The following RTN1 variants were observed in gnomAD, a reference collection of about 807,000 sequenced individuals.
RTN1 encodes the protein reticulon 1, also known as reticulon-1.
A neutral mutation model predicts 65.5 loss-of-function variants in RTN1; 25 were observed. That is an observed-to-expected ratio of 0.38 (90% CI 0.28 to 0.53). The LOEUF (loss-of-function observed/expected upper bound fraction) is 0.53, where lower values mean the gene tolerates loss of function less well. RTN1 is among the 20% of genes least tolerant of loss of function. RTN1 has a pLI of 0.79. For missense variants in RTN1, 983 were observed against 1,025.4 expected (o/e 0.96, Z 0.57); for synonymous variants, 471 against 447.6 (o/e 1.05, Z -0.66).
chr14:59,775,564 A>G (rs184836870), intron 1 of RTN1, among the ~76,000 whole-genome samples: 67 of 152,272 alleles, frequency 4.4e-4, no homozygotes, highest in African/African-American at 1.5e-3. Context: ...CAGCTCACTC[A>G]ATCCTTACAA....
rs993666330 is a variant in RTN1, at chr14:59,852,463, T to A, written c.241+17927A>T. Among the ~76,000 whole-genome samples the A allele has an allele frequency of 5.3e-5, 8 of 152,170 alleles. No individual in the cohort carries two copies. The East Asian group carries it at 1.5e-3, about 29-fold the overall frequency. Reference sequence around the variant, plus strand: ...CATCTCCTAGTCCCACCCCCAAGCATTTCCTAATAATAATGGTAAAAGACT... The same window carrying A: ...CATCTCCTAGTCCCACCCCCAAGCAATTCCTAATAATAATGGTAAAAGACT... On this transcript the variant is annotated intron_variant, in intron 1 of 8. Coordinates refer to ENST00000267484, the MANE Select transcript of RTN1 (RefSeq NM_021136.3).
rs998449577 is a variant in RTN1 at position 59,870,618 on chromosome 14, C to G, written c.13G>C (p.Gly5Arg). Residue 5 changes from glycine (G) to arginine (R), a missense_variant, in exon 1 of 9, where the codon GGG becomes CGG. Around this residue, in one of 2 missense-constraint regions of RTN1, gnomAD observed 818 missense variants for 801.8 expected, o/e 1.02. Coordinates refer to ENST00000267484, the MANE Select transcript of RTN1 (RefSeq NM_021136.3). The surrounding 1 kb of genome is among the most constrained non-coding windows in gnomAD (Gnocchi z 5.1). Reference sequence around the variant, plus strand: ...GGCAGCAGCTCGTCCTGCGGATCCCCCGGCGCGGCCATGGCTGGCGGTCCC... The same window carrying G: ...GGCAGCAGCTCGTCCTGCGGATCCCGCGGCGCGGCCATGGCTGGCGGTCCC... MAAP[G>R]DPQDELLPLA... 7.0e-6 allele frequency: 10 copies of G among 1,420,860 alleles called. No homozygotes were observed. Among genetic ancestry groups the G allele is most frequent in the Non-Finnish European group, 9.2e-6 (10 of 1,091,678 alleles). 88.0% of individuals were successfully genotyped at this position (1,420,860 alleles called of 1,614,324 possible).
intron 1 of RTN1, among the ~76,000 whole-genome samples, chr14:59,835,410 A>C (rs561534824): frequency 2.6e-5 from 4 of 152,310 alleles, no homozygotes; most frequent in African/African-American, 9.6e-5. Flanking sequence ...AGGTCTGTAC[A>C]CAGGTCAAAG....
At chr14:59,628,799 C>T (rs890860758) in intron 3 of RTN1, among the ~76,000 whole-genome samples, 5 of 152,258 alleles carry the variant, frequency 3.3e-5, no homozygotes, top group Admixed American at 1.3e-4. Flanking sequence ...CCGAGTCAAA[C>T]CGCATAAGAT....
chr14:59,609,096 C>A (rs1467019174), intron 3 of RTN1, among the ~76,000 whole-genome samples: 1 of 151,824 alleles, frequency 6.6e-6, no homozygotes, highest in East Asian at 1.9e-4. Context: ...ACCAGCCCAG[C>A]CAACATGGTG....
chr14:59,703,434 T>C (rs945610416), intron 3 of RTN1, among the ~76,000 whole-genome samples: 1 of 152,158 alleles, frequency 6.6e-6, no homozygotes, highest in African/African-American at 2.4e-5. Context: ...ACTCTCTTGC[T>C]CTCACTCTTG....
At chr14:59,793,683 A>G (rs1286211090) in intron 1 of RTN1, among the ~76,000 whole-genome samples, 1 of 151,380 alleles carries the variant, frequency 6.6e-6, no homozygotes, top group East Asian at 2.0e-4. Flanking sequence ...GAGTGATGAG[A>G]ACAAAAAGCT....
chr14:59,618,365 A>G (rs1160708195), intron 3 of RTN1, among the ~76,000 whole-genome samples: 2 of 152,224 alleles, frequency 1.3e-5, no homozygotes, highest in Admixed American at 6.5e-5. Flanking sequence ...CACCTAGATC[A>G]ATAAACTGGC....
chr14:59,815,273 T>C (rs1277889320), intron 1 of RTN1, among the ~76,000 whole-genome samples: 4 of 152,224 alleles, frequency 2.6e-5, no homozygotes, highest in Admixed American at 1.3e-4. Context: ...TTGGGTTTTA[T>C]ACTTGGAAGG....
chr14:59,714,223 G>A (rs918508927), intron 3 of RTN1, among the ~76,000 whole-genome samples: 3 of 146,196 alleles, frequency 2.1e-5, no homozygotes, highest in Admixed American at 6.9e-5. Context: ...GACAGAGTGA[G>A]ACTCCGTCTA....
chr14:59,727,046 C>T lies in RTN1; in HGVS notation c.1638G>A (p.Glu546=), dbSNP rs142731640. ...LPPGDGALEP[E]TPMLPRKPEE... is the part of the protein sequence containing the mutation. ...CAGGCTTCCGTGGCAACATGGGCGT[C>T]TCAGGCTCCAGGGCTCCGTCTCCAG... Residue 546 remains glutamate, a synonymous_variant, in exon 3 of 9, where the codon GAG becomes GAA. Transcript: ENST00000267484. The surrounding 1 kb of genome is among the most constrained non-coding windows in gnomAD (Gnocchi z 4.2). 4.0e-5 allele frequency: 64 copies of T among 1,613,460 alleles called. No individual in the cohort carries two copies. In the African/African-American group the frequency reaches 8.3e-4, roughly 21 times the overall value.
At chr14:59,815,924 T>G (rs1267784984) in intron 1 of RTN1, among the ~76,000 whole-genome samples, 1 of 152,180 alleles carries the variant, frequency 6.6e-6, no homozygotes, top group African/African-American at 2.4e-5. Flanking sequence ...GTTTACTAGT[T>G]CCACCCTTCA....
rs1887017480 is a variant in RTN1, at chr14:59,825,620, A to G, written c.241+44770T>C. On this transcript the variant is annotated intron_variant, in intron 1 of 8. Coordinates refer to ENST00000267484, the MANE Select transcript of RTN1 (RefSeq NM_021136.3). This position sits in a 1 kb window ranked among gnomAD's most constrained non-coding sequence, Gnocchi z 4.2. Reference sequence around the variant, plus strand: ...TTCTCCCAGAAGCACCCCTGCTGGAAGGCCAGCCTAGTGCCACATCAAACC... The same window carrying G: ...TTCTCCCAGAAGCACCCCTGCTGGAGGGCCAGCCTAGTGCCACATCAAACC... Among the ~76,000 whole-genome samples, 1 of 152,222 alleles carries G rather than the reference A, an allele frequency of 6.6e-6. No homozygotes were observed. The highest frequency in any genetic ancestry group is 1.5e-5 in the Non-Finnish European group (1 of 68,036).
chr14:59,784,302 G>T (rs1456184742), intron 1 of RTN1, among the ~76,000 whole-genome samples: 1 of 152,086 alleles, frequency 6.6e-6, no homozygotes. Context: ...TTAGCCGGGC[G>T]TGGTGGCACA....
intron 3 of RTN1, among the ~76,000 whole-genome samples, chr14:59,699,613 T>C (rs1398781370): frequency 6.6e-6 from 1 of 152,144 alleles, no homozygotes; most frequent in South Asian, 2.1e-4. Flanking sequence ...GCAATGGAGA[T>C]GACAATGGAC....
intron 1 of RTN1, among the ~76,000 whole-genome samples, chr14:59,808,094 C>T (rs578013239): frequency 3.3e-5 from 5 of 152,330 alleles, no homozygotes; most frequent in Admixed American, 2.0e-4. Context: ...ACCAGGTCTT[C>T]TCCCTTCCAA....
At chr14:59,603,815 G>A (rs779206203) in intron 6 of RTN1, 37 bp downstream of exon 6, 19 of 1,543,860 alleles carry the variant, frequency 1.2e-5, no homozygotes, top group Non-Finnish European at 1.6e-5. Flanking sequence ...TCACAGAGGG[G>A]GTGAAGGAAG....
intron 3 of RTN1, among the ~76,000 whole-genome samples, chr14:59,620,941 T>C (rs1002133296): frequency 1.3e-5 from 2 of 152,168 alleles, no homozygotes; most frequent in Admixed American, 1.3e-4. Flanking sequence ...ACTGATAGGC[T>C]GGGAGAGTGG....
In RTN1 at chr14:59,806,489, G is replaced by C. The variant is rs911085665; in HGVS notation, c.242-60008C>G. Among the ~76,000 whole-genome samples the C allele has an allele frequency of 9.9e-5, 15 of 152,122 alleles. 1 individual carries two copies. The highest frequency in any genetic ancestry group is 6.5e-4 in the Admixed American group (10 of 15,272). On this transcript the variant is annotated intron_variant, in intron 1 of 8. Coordinates refer to ENST00000267484, the MANE Select transcript of RTN1 (RefSeq NM_021136.3). Reference sequence around the variant, plus strand: ...TTTTTTAACTTTTATTTTAAGGTCTGGGGTACATATGCAGGTTTGTTATAT... The same window carrying C: ...TTTTTTAACTTTTATTTTAAGGTCTCGGGTACATATGCAGGTTTGTTATAT...
Sources: gnomAD v4.1 joint callset for allele counts (sites outside exome capture counted in the v4.1 genomes callset) on GRCh38, gnomAD v4.1.1 for gene constraint, gnomAD v4.1.1 regional missense constraint, Gnocchi (gnomAD v3.1) non-coding constraint, MANE v1.5 for transcripts, NCBI Gene and HGNC (gene_info 2026-07-23, HGNC 2026-07-21) for gene names.